Variants in RAPGEF4 observed in about 807,000 individuals in gnomAD.
RAPGEF4 encodes Rap guanine nucleotide exchange factor 4.
RAPGEF4 carries 66 observed loss-of-function variants against 147.9 expected under a neutral mutation model. The ratio of observed to expected loss-of-function variants is 0.45; its 90% CI spans 0.37 to 0.55. The LOEUF is 0.55. Ranked by LOEUF, RAPGEF4 falls within the 20% of genes least tolerant of loss-of-function variation. The probability of loss-of-function intolerance (pLI) is 0.00; values close to 1 mark genes in which losing one functional copy is unlikely to be tolerated. For synonymous variants in RAPGEF4, 419 were observed against 442.7 expected, an observed-to-expected ratio of 0.95 and a Z score of 0.67; for missense variants, 1,071 against 1,257.3, an observed-to-expected ratio of 0.85 and a Z score of 2.24.
At chr2:172,742,196 A>G (rs570284001) in intron 1 of RAPGEF4, among the ~76,000 whole-genome samples, 2 of 152,342 alleles carry the variant, frequency 1.3e-5, no homozygotes, top group African/African-American at 4.8e-5. Context: ...TAGTTCTCTA[A>G]TATAATCAAT....
chr2:173,026,735 G>A (rs766197430), intron 24 of RAPGEF4, 38 bp downstream of exon 24: 17 of 1,608,826 alleles, frequency 1.1e-5, no homozygotes, highest in Non-Finnish European at 1.4e-5. Context: ...AGCTGAGATA[G>A]CAAGGATAAA....
intron 4 of RAPGEF4, among the ~76,000 whole-genome samples, chr2:172,851,779 A>T (rs1692856795): frequency 6.6e-6 from 1 of 152,142 alleles, no homozygotes; most frequent in Admixed American, 6.5e-5. Context: ...GGAACAATAG[A>T]CACCAGGGCC....
intron 1 of RAPGEF4, among the ~76,000 whole-genome samples, chr2:172,767,292 C>T (rs1365921864): frequency 1.3e-5 from 2 of 151,812 alleles, no homozygotes; most frequent in Admixed American, 6.6e-5. Context: ...GATTCTCCTG[C>T]CTCAGCTTCC....
At chr2:172,846,105 T>C (rs1201508005) in intron 4 of RAPGEF4, among the ~76,000 whole-genome samples, 1 of 152,246 alleles carries the variant, frequency 6.6e-6, no homozygotes, top group Admixed American at 6.5e-5. Context: ...GTGTACTTTA[T>C]ATATCATAAA....
intron 4 of RAPGEF4, among the ~76,000 whole-genome samples, chr2:172,844,608 A>C (rs1405557528): frequency 6.6e-6 from 1 of 152,206 alleles, no homozygotes. Flanking sequence ...ATTATCCAGC[A>C]ACTAAAAAAA....
chr2:172,882,934 G>A (rs2149861869), intron 4 of RAPGEF4, among the ~76,000 whole-genome samples: 1 of 152,094 alleles, frequency 6.6e-6, no homozygotes. Context: ...GTTGCTTCAA[G>A]TCCAATTGTT....
chr2:172,911,782 T>A (rs1377613315), intron 4 of RAPGEF4, among the ~76,000 whole-genome samples: 1 of 128,604 alleles, frequency 7.8e-6, no homozygotes, highest in Non-Finnish European at 1.6e-5. Flanking sequence ...TTTTTTTTTT[T>A]TCATAAGAGA....
At chr2:172,912,409 G>T (rs189299706) in intron 4 of RAPGEF4, among the ~76,000 whole-genome samples, 60 of 152,148 alleles carry the variant, frequency 3.9e-4, no homozygotes, top group African/African-American at 1.3e-3. Flanking sequence ...AGTCTTTTGC[G>T]TATCTAAAAC....
chr2:172,998,398 G>A (rs541436147), intron 16 of RAPGEF4, among the ~76,000 whole-genome samples: 61 of 152,164 alleles, frequency 4.0e-4, no homozygotes, highest in Non-Finnish European at 7.9e-4. Context: ...TAAGAATTGG[G>A]GTATAGATCT....
At chr2:172,981,622 G>C (rs1208532545) in intron 10 of RAPGEF4, among the ~76,000 whole-genome samples, 1 of 152,188 alleles carries the variant, frequency 6.6e-6, no homozygotes, top group Admixed American at 6.5e-5. Flanking sequence ...ATACAGTCAG[G>C]ATTAGGAAGA....
At chr2:172,925,711 A>G (rs1489628648) in intron 6 of RAPGEF4, among the ~76,000 whole-genome samples, 1 of 150,754 alleles carries the variant, frequency 6.6e-6, no homozygotes, top group Non-Finnish European at 1.5e-5. Context: ...TCACTAGACA[A>G]TCTATCCTGG....
intron 4 of RAPGEF4, among the ~76,000 whole-genome samples, chr2:172,860,567 G>GTTTTTGTT (rs1693920936): frequency 2.3e-5 from 3 of 129,588 alleles, no homozygotes; most frequent in African/African-American, 8.4e-5. Context: ...GTTTATTTGG[G>GTTTTTGTT]TTTTTTTTTT....
rs958317713 is a variant in RAPGEF4, at chr2:172,875,824, A to G, written c.445-41978A>G. The stretch of plus-strand genomic sequence containing the variant: ...GATGGGGATGGCATTGAATCTATAA[A>G]TTACCTTGGGCAGTATGGCCATTTT... On this transcript the variant is annotated intron_variant, in intron 4 of 30. Coordinates refer to ENST00000397081, the MANE Select transcript of RAPGEF4 (RefSeq NM_007023.4). Among the ~76,000 whole-genome samples the G allele has an allele frequency of 2.0e-5, 3 of 152,184 alleles. No homozygotes were observed. In the South Asian group the frequency reaches 6.2e-4, roughly 32 times the overall value.
chr2:172,924,425 C>T (rs1685068321), intron 6 of RAPGEF4, among the ~76,000 whole-genome samples: 1 of 152,216 alleles, frequency 6.6e-6, no homozygotes. Flanking sequence ...TCTGAAAGAT[C>T]TGGGGAACTG....
intron 10 of RAPGEF4, among the ~76,000 whole-genome samples, chr2:172,967,880 C>A (rs144100270): frequency 2.6e-5 from 4 of 152,296 alleles, no homozygotes; most frequent in African/African-American, 7.2e-5. Flanking sequence ...TGCTCTTACC[C>A]ACCTCTGAGG....
chr2:172,795,286 A>G (rs1686253721), intron 2 of RAPGEF4, 119 bp downstream of exon 2: 19 of 1,049,978 alleles, frequency 1.8e-5, no homozygotes, highest in South Asian at 9.2e-5. Flanking sequence ...GCTTCAACCA[A>G]AAGTATTAAG....
At chr2:173,007,578 G>C (rs1694607270) in intron 17 of RAPGEF4, among the ~76,000 whole-genome samples, 1 of 152,178 alleles carries the variant, frequency 6.6e-6, no homozygotes, top group Non-Finnish European at 1.5e-5. Context: ...TCAGATACAT[G>C]TTTTACCTGT....
At chr2:172,838,226 A>G (rs181106720) in intron 4 of RAPGEF4, among the ~76,000 whole-genome samples, 5 of 152,202 alleles carry the variant, frequency 3.3e-5, no homozygotes, top group African/African-American at 9.6e-5. Context: ...AAACATGTTT[A>G]TTTCTCTGTG....
chr2:172,814,643 C>A, intron 4 of RAPGEF4: 2 of 563,316 alleles, frequency 3.6e-6, no homozygotes, highest in South Asian at 4.0e-5. Flanking sequence ...GCTCAATTTT[C>A]TGTAGTTTGA....
Sources: gnomAD v4.1 joint callset for allele counts (sites outside exome capture counted in the v4.1 genomes callset) on GRCh38, gnomAD v4.1.1 for gene constraint, MANE v1.5 for transcripts, NCBI Gene and HGNC (gene_info 2026-07-23, HGNC 2026-07-21) for gene names.